PDE4B: variants seen among roughly 807,000 people sequenced by gnomAD.
PDE4B encodes 3',5'-cyclic-AMP phosphodiesterase 4B.
Under a neutral mutation model 82.2 loss-of-function variants are expected in PDE4B, and 20 were observed. The ratio of observed to expected loss-of-function variants is 0.24; its 90% confidence interval spans 0.17 to 0.35. The LOEUF is 0.35. Ranked by LOEUF, PDE4B falls within the 10% of genes least tolerant of loss-of-function variation. The pLI, the probability that PDE4B is intolerant of heterozygous loss-of-function variation, is 1.00. For synonymous variants in PDE4B, 320 were observed against 318.9 expected (o/e 1.00, Z -0.04); for missense variants, 655 against 907.2 (o/e 0.72, Z 3.57).
chr1:66,096,508 T>TATATATATATATA (rs59931848), intron 3 of PDE4B, among the ~76,000 whole-genome samples: 1 of 107,326 alleles, frequency 9.3e-6, no homozygotes, highest in African/African-American at 3.4e-5. Flanking sequence ...GTAAAAAAAA[T>TATATATATATATA]TATATATATA....
intron 3 of PDE4B, among the ~76,000 whole-genome samples, chr1:65,982,612 C>G (rs1305726927): frequency 6.6e-6 from 1 of 152,172 alleles, no homozygotes; most frequent in Non-Finnish European, 1.5e-5. Context: ...GAAAGACCCT[C>G]TTGTCTGGTG....
chr1:65,877,934 C>G (rs1468637614), intron 1 of PDE4B, among the ~76,000 whole-genome samples: 1 of 151,994 alleles, frequency 6.6e-6, no homozygotes, highest in African/African-American at 2.4e-5. Context: ...AAACTATCAT[C>G]AGAGCTAATA....
chr1:66,084,923 C>T lies in PDE4B; in HGVS notation c.282-162537C>T, dbSNP rs369310214. On this transcript the variant is annotated intron_variant, in intron 3 of 16. Coordinates refer to ENST00000341517, the MANE Select transcript of PDE4B (RefSeq NM_002600.4). The stretch of plus-strand genomic sequence containing the variant: ...GTACTGATCAAGAAACCAAAGTGAA[C>T]AGCCAGTCACATGCATAGAGTTAGG... Among the ~76,000 whole-genome samples, 11 of 152,130 alleles carry T rather than the reference C, an allele frequency of 7.2e-5. No homozygotes were observed. The East Asian group carries it at 1.5e-3, about 21-fold the overall frequency.
intron 1 of PDE4B, among the ~76,000 whole-genome samples, chr1:65,898,198 ATTGT>A (rs769861300): frequency 1.3e-5 from 2 of 151,204 alleles, no homozygotes; most frequent in Admixed American, 6.6e-5. Flanking sequence ...TGCTTGTTGA[ATTGT>A]TTGTTTCTAA....
At chr1:66,367,478 T>G (rs1663333091) in intron 13 of PDE4B, 1 of 406,924 alleles carries the variant, frequency 2.5e-6, no homozygotes, top group Non-Finnish European at 4.4e-6. Flanking sequence ...TGAATTTTAA[T>G]CACAGGGAAA....
intron 3 of PDE4B, among the ~76,000 whole-genome samples, chr1:66,056,532 C>CT (rs761137821): frequency 0.056 from 7,349 of 130,594 alleles, 229 homozygotes; most frequent in Non-Finnish European, 0.065. Context: ...ATCTATCTAT[C>CT]ATCTATCTAT....
At position 66,249,532 on chromosome 1, in the gene PDE4B, C is replaced by T. The variant is rs532332464; in HGVS notation, c.476+1878C>T. On this transcript the variant is annotated intron_variant, in intron 4 of 16. Transcript: ENST00000341517. Reference sequence around the variant, plus strand: ...TGTAGAAATGTTAAATTTGAAGAGACCTTAAAGATCACAATCCAACTGAAT... The same window carrying T: ...TGTAGAAATGTTAAATTTGAAGAGATCTTAAAGATCACAATCCAACTGAAT... Among the ~76,000 whole-genome samples the T allele has an allele frequency of 3.1e-4, 47 of 152,132 alleles. 1 individual carries two copies. In the South Asian group the frequency reaches 9.6e-3, roughly 31 times the overall value.
chr1:66,108,687 C>G (rs1026574752), intron 3 of PDE4B, among the ~76,000 whole-genome samples: 5 of 85,260 alleles, frequency 5.9e-5, no homozygotes, highest in African/African-American at 2.4e-4. Flanking sequence ...TTCAATGTCA[C>G]TACTAATCAT....
intron 7 of PDE4B, among the ~76,000 whole-genome samples, chr1:66,321,026 C>A (rs1459926888): frequency 6.6e-6 from 1 of 152,108 alleles, no homozygotes; most frequent in Admixed American, 6.6e-5. Context: ...AGGAAAGGAG[C>A]CATTTAAACC....
intron 3 of PDE4B, among the ~76,000 whole-genome samples, chr1:66,201,588 C>T (rs1440333193): frequency 1.3e-5 from 2 of 149,144 alleles, no homozygotes; most frequent in Non-Finnish European, 3.0e-5. Flanking sequence ...GCGTATGTGT[C>T]GAGTAATTTA....
intron 8 of PDE4B, among the ~76,000 whole-genome samples, chr1:66,340,983 C>A (rs558286691): frequency 6.6e-6 from 1 of 152,108 alleles, no homozygotes; most frequent in South Asian, 2.1e-4. Flanking sequence ...ATAAATCAAA[C>A]CAAAAAAGAT....
chr1:66,090,759 A>T (rs1173766506), intron 3 of PDE4B, among the ~76,000 whole-genome samples: 3 of 151,412 alleles, frequency 2.0e-5, no homozygotes, highest in African/African-American at 7.3e-5. Flanking sequence ...ATGTATGTAT[A>T]CATATGTGTA....
chr1:65,900,889 A>C (rs1309592316), intron 1 of PDE4B, among the ~76,000 whole-genome samples: 2 of 152,120 alleles, frequency 1.3e-5, no homozygotes, highest in African/African-American at 4.8e-5. Flanking sequence ...GTATATACTC[A>C]TATTGTCAGC....
intron 3 of PDE4B, among the ~76,000 whole-genome samples, chr1:66,020,888 C>T (rs1204316135): frequency 6.6e-6 from 1 of 152,200 alleles, no homozygotes; most frequent in African/African-American, 2.4e-5. Context: ...GAGGAATCGC[C>T]ATACTGTCTT....
chr1:66,041,176 G>GC (rs1654347497), intron 3 of PDE4B, among the ~76,000 whole-genome samples: 1 of 151,936 alleles, frequency 6.6e-6, no homozygotes, highest in African/African-American at 2.4e-5. Context: ...AAGTAGCTTA[G>GC]AAAGTATAAT....
intron 1 of PDE4B, among the ~76,000 whole-genome samples, chr1:65,907,780 G>C (rs964912395): frequency 2.6e-5 from 4 of 152,226 alleles, no homozygotes; most frequent in Non-Finnish European, 1.5e-5. Flanking sequence ...ATACACCAAT[G>C]CCTCATTATA....
intron 3 of PDE4B, among the ~76,000 whole-genome samples, chr1:66,021,315 G>GT (rs1386335394): frequency 1.3e-5 from 2 of 152,140 alleles, no homozygotes; most frequent in Non-Finnish European, 2.9e-5. Flanking sequence ...ATGCTCTTTA[G>GT]TTTAATTAGA....
chr1:65,964,411 T>G (rs1226302416), intron 3 of PDE4B, among the ~76,000 whole-genome samples: 1 of 152,212 alleles, frequency 6.6e-6, no homozygotes, highest in Non-Finnish European at 1.5e-5. Flanking sequence ...TAAGCATGCA[T>G]TAGTATCAAG....
chr1:65,796,632 T>G (rs1645634291), intron 1 of PDE4B, among the ~76,000 whole-genome samples: 1 of 149,144 alleles, frequency 6.7e-6, no homozygotes, highest in South Asian at 2.1e-4. Context: ...AGAATTTGTA[T>G]TTGCTTGCTG....
Sources: allele counts gnomAD v4.1 joint callset (sites outside exome capture counted in the v4.1 genomes callset), GRCh38; gene constraint gnomAD v4.1.1; transcripts MANE v1.5; gene names NCBI Gene and HGNC (gene_info 2026-07-23, HGNC 2026-07-21).